The following IGF1R variants were observed in gnomAD, a reference collection of about 807,000 sequenced individuals.
IGF1R encodes the protein insulin-like growth factor 1 receptor.
In IGF1R, 44 loss-of-function variants were observed where a neutral mutation model predicts 144.6. The observed-to-expected ratio is 0.30, with a 90% confidence interval of 0.24 to 0.39. The LOEUF (loss-of-function observed/expected upper bound fraction) is 0.39. Among genes scored for constraint, IGF1R ranks in the 10% least tolerant of loss-of-function variants. IGF1R has a pLI of 1.00. For synonymous variants in IGF1R, 795 were observed against 722.8 expected (o/e 1.10, Z -1.60); for missense variants, 1,355 against 1,833.7 (o/e 0.74, Z 4.77).
intron 10 of IGF1R, among the ~76,000 whole-genome samples, chr15:98,920,528 G>A (rs939247771): frequency 5.3e-5 from 8 of 152,224 alleles, no homozygotes; most frequent in African/African-American, 1.9e-4. Flanking sequence ...TTGAAGGTAG[G>A]CAGGAAATTT....
At chr15:98,789,826 T>C (rs2056088622) in intron 2 of IGF1R, among the ~76,000 whole-genome samples, 1 of 152,168 alleles carries the variant, frequency 6.6e-6, no homozygotes, top group Non-Finnish European at 1.5e-5. Flanking sequence ...GGGCGAGTTA[T>C]CTGGGTGGAA....
chr15:98,681,827 G>C lies in IGF1R; in HGVS notation c.95-25735G>C, dbSNP rs45468792. The stretch of plus-strand genomic sequence containing the variant: ...ATACTTGAATTTAGGGTCTGTCCCT[G>C]GTGTCATCTGAATTTTTGTTTGCTA... On this transcript the variant is annotated intron_variant, in intron 1 of 20. Coordinates refer to ENST00000650285, the MANE Select transcript of IGF1R (RefSeq NM_000875.5). 5.4e-3 allele frequency among the ~76,000 whole-genome samples: 825 copies of C among 152,294 alleles called. 6 individuals carry two copies. The highest frequency in any genetic ancestry group is 0.019 in the African/African-American group (793 of 41,570).
chr15:98,935,082 T>C lies in IGF1R; in HGVS notation c.3186+29T>C, dbSNP rs2016090807. ...AGAGAAAGTTCCTGAAAAGCCAAAA[T>C]GCAGCACAGGGAGAGGGTATCACAC... On this transcript the variant is annotated intron_variant, in intron 16 of 20. Coordinates refer to ENST00000650285, the MANE Select transcript of IGF1R (RefSeq NM_000875.5). The surrounding 1 kb of genome is among the most constrained non-coding windows in gnomAD (Gnocchi z 4.2). 1.3e-6 allele frequency: 2 copies of C among 1,544,204 alleles called. No individual in the cohort carries two copies. The highest frequency in any genetic ancestry group is 1.8e-6 in the Non-Finnish European group (2 of 1,116,726).
intron 2 of IGF1R, among the ~76,000 whole-genome samples, chr15:98,740,161 G>A (rs1423236066): frequency 2.0e-5 from 3 of 152,156 alleles, no homozygotes; most frequent in African/African-American, 7.2e-5. Flanking sequence ...GAAAGTTTTG[G>A]GTTAGTAATC....
In IGF1R at chr15:98,649,558, G is replaced by A; in HGVS notation, c.-24G>A. On this transcript the variant is annotated 5_prime_UTR_variant, in exon 1 of 21. Coordinates refer to ENST00000650285, the MANE Select transcript of IGF1R (RefSeq NM_000875.5). ...TTTTTTTTTTTTTTTTTGAGAAAGG[G>A]GAATTTCATCCCAAATAAAAGGAAT... 2 of 1,108,890 alleles carry A rather than the reference G, an allele frequency of 1.8e-6. No individual in the cohort carries two copies. The highest frequency in any genetic ancestry group is 2.6e-5 in the South Asian group (2 of 75,792). 68.7% of individuals were successfully genotyped at this position (1,108,890 alleles called of 1,614,324 possible).
chr15:98,866,045 G>A (rs942301383), intron 2 of IGF1R, among the ~76,000 whole-genome samples: 32 of 152,206 alleles, frequency 2.1e-4, no homozygotes, highest in Admixed American at 1.0e-3. Context: ...TGCACGGGGC[G>A]CAGTTTAAAA....
At chr15:98,804,723 G>A (rs1341583681) in intron 2 of IGF1R, among the ~76,000 whole-genome samples, 1 of 152,164 alleles carries the variant, frequency 6.6e-6, no homozygotes, top group Non-Finnish European at 1.5e-5. Flanking sequence ...GATAATTATT[G>A]TTTTTTAAGA....
chr15:98,824,165 GCCC>G (rs2056850000), intron 2 of IGF1R: 1 of 152,196 alleles, frequency 6.6e-6, no homozygotes, highest in Non-Finnish European at 1.5e-5. Context: ...TGACAGGGCT[GCCC>G]GTTCTCCCCA....
intron 2 of IGF1R, among the ~76,000 whole-genome samples, chr15:98,817,304 AAATAAT>A (rs57196850): frequency 0.65 from 94,799 of 146,106 alleles, 32,984 homozygotes; most frequent in Non-Finnish European, 0.76. Flanking sequence ...TCTGTCTCAA[AAATAAT>A]AATAATAATA....
chr15:98,878,225 A>G (rs991445981), intron 2 of IGF1R, among the ~76,000 whole-genome samples: 1 of 152,236 alleles, frequency 6.6e-6, no homozygotes, highest in Non-Finnish European at 1.5e-5. Flanking sequence ...TGGTCAAAAC[A>G]GTCCCCAGTT....
chr15:98,837,802 C>G (rs1263737369), intron 2 of IGF1R, among the ~76,000 whole-genome samples: 1 of 152,192 alleles, frequency 6.6e-6, no homozygotes, highest in African/African-American at 2.4e-5. Flanking sequence ...TAAACAGTTT[C>G]ATTCACCATA....
At chr15:98,870,535 G>T (rs1302390709) in intron 2 of IGF1R, among the ~76,000 whole-genome samples, 1 of 152,196 alleles carries the variant, frequency 6.6e-6, no homozygotes, top group Non-Finnish European at 1.5e-5. Flanking sequence ...TCAGGAAATG[G>T]TCTGCTTCCT....
intron 2 of IGF1R, among the ~76,000 whole-genome samples, chr15:98,793,300 T>C (rs368861390): frequency 1.4e-4 from 21 of 152,358 alleles, no homozygotes; most frequent in African/African-American, 4.8e-4. Flanking sequence ...AAAAAAATCT[T>C]GTGTTGTCAA....
intron 2 of IGF1R, among the ~76,000 whole-genome samples, chr15:98,829,655 C>T (rs1210073020): frequency 6.6e-6 from 1 of 152,158 alleles, no homozygotes; most frequent in East Asian, 1.9e-4. Flanking sequence ...GAGAGGCAGG[C>T]CACGAGGGCT....
chr15:98,868,791 A>G (rs1051476337), intron 2 of IGF1R, among the ~76,000 whole-genome samples: 1 of 152,168 alleles, frequency 6.6e-6, no homozygotes, highest in Non-Finnish European at 1.5e-5. Flanking sequence ...TAGCACGGGT[A>G]GCAGTGAGTG....
chr15:98,695,138 G>A (rs1567080163), intron 1 of IGF1R, among the ~76,000 whole-genome samples: 1 of 152,130 alleles, frequency 6.6e-6, no homozygotes, highest in Non-Finnish European at 1.5e-5. Flanking sequence ...TAGTTAACTC[G>A]TGCAAACAGT....
chr15:98,685,788 AGCCTGATT>A (rs2053312677), intron 1 of IGF1R, among the ~76,000 whole-genome samples: 1 of 152,248 alleles, frequency 6.6e-6, no homozygotes, highest in African/African-American at 2.4e-5. Context: ...CACCGCAGGT[AGCCTGATT>A]GCCCAGCCTT....
At chr15:98,764,658 G>A (rs1173875707) in intron 2 of IGF1R, among the ~76,000 whole-genome samples, 2 of 152,164 alleles carry the variant, frequency 1.3e-5, no homozygotes, top group Admixed American at 6.5e-5. Context: ...CTAATAACCA[G>A]TAAGTTCTTC....
intron 2 of IGF1R, among the ~76,000 whole-genome samples, chr15:98,776,403 C>CT (rs2055716934): frequency 6.6e-6 from 1 of 152,060 alleles, no homozygotes; most frequent in African/African-American, 2.4e-5. Context: ...CCAGACTGGT[C>CT]TTGAACTCCT....
Sources: allele counts gnomAD v4.1 joint callset (sites outside exome capture counted in the v4.1 genomes callset), GRCh38; gene constraint gnomAD v4.1.1; non-coding constraint Gnocchi (gnomAD v3.1); transcripts MANE v1.5; gene names NCBI Gene and HGNC (gene_info 2026-07-23, HGNC 2026-07-21).